Variants in UNC5C observed in about 807,000 individuals in gnomAD.
The protein encoded by UNC5C is netrin receptor UNC5C.
In UNC5C, 47 loss-of-function variants were observed where a neutral mutation model predicts 99.8. That is an observed-to-expected ratio of 0.47 (90% CI 0.37 to 0.60). The LOEUF is 0.60. Ranked by LOEUF, UNC5C falls within the 20% of genes least tolerant of loss-of-function variation. The pLI, the probability that UNC5C is intolerant of heterozygous loss-of-function variation, is 0.00. For synonymous variants in UNC5C, 487 were observed against 452.2 expected (o/e 1.08, Z -0.98); for missense variants, 1,062 against 1,165.9 (o/e 0.91, Z 1.30).
At chr4:95,417,189 T>C (rs1192976821) in intron 1 of UNC5C, among the ~76,000 whole-genome samples, 1 of 152,190 alleles carries the variant, frequency 6.6e-6, no homozygotes, top group Non-Finnish European at 1.5e-5. Context: ...TCGGGATCTC[T>C]GCAGTATGAA....
chr4:95,364,481 C>T (rs1744492698), intron 1 of UNC5C, among the ~76,000 whole-genome samples: 1 of 152,184 alleles, frequency 6.6e-6, no homozygotes, highest in South Asian at 2.1e-4. Flanking sequence ...CCTATTGACA[C>T]TATGATTGCT....
intron 2 of UNC5C, among the ~76,000 whole-genome samples, chr4:95,317,874 T>C (rs556434581): frequency 6.6e-6 from 1 of 152,304 alleles, no homozygotes; most frequent in South Asian, 2.1e-4. Context: ...ACTTCCCTCC[T>C]GCACTGTCAT....
At chr4:95,448,442 C>T (rs947644247) in intron 1 of UNC5C, among the ~76,000 whole-genome samples, 1 of 152,052 alleles carries the variant, frequency 6.6e-6, no homozygotes, top group Admixed American at 6.6e-5. Flanking sequence ...ACTCTGTCTA[C>T]CTCTTGGGAT....
intron 1 of UNC5C, among the ~76,000 whole-genome samples, chr4:95,465,305 C>G (rs749011844): frequency 2.3e-4 from 35 of 152,310 alleles, no homozygotes; most frequent in Non-Finnish European, 4.6e-4. Context: ...TCCCTCCCAT[C>G]TCTAAAGTAG....
In UNC5C at chr4:95,301,729, T is replaced by G; in HGVS notation, c.367A>C (p.Ser123Arg). Residue 123 changes from serine (S) to arginine (R), a missense_variant, in exon 3 of 16, where the codon AGC (serine) becomes CGC (arginine). Physicochemically the swap from Ser to Arg is moderately radical, Grantham distance 110 (BLOSUM62 -1). Coordinates refer to ENST00000453304, the MANE Select transcript of UNC5C (RefSeq NM_003728.4). The part of the protein sequence containing the change: ...ETSGLIVREV[S>R]IEISRQQVEE... The stretch of plus-strand genomic sequence containing the variant: ...ACTTGCTGGCGCGAAATCTCAATGC[T>G]CACTTCCCGGACAATGAGACCTGAC... 1.2e-6 allele frequency: 2 copies of G among 1,612,874 alleles called. No homozygotes were observed. The highest frequency in any genetic ancestry group is 1.1e-5 in the South Asian group (1 of 91,014).
chr4:95,456,123 C>T (rs1467876966), intron 1 of UNC5C, among the ~76,000 whole-genome samples: 13 of 151,948 alleles, frequency 8.6e-5, no homozygotes, highest in Non-Finnish European at 1.5e-4. Context: ...AAGGTACTCC[C>T]CTCAATTGTA....
intron 4 of UNC5C, among the ~76,000 whole-genome samples, chr4:95,267,603 A>G (rs1347304278): frequency 6.6e-6 from 1 of 152,184 alleles, no homozygotes; most frequent in Non-Finnish European, 1.5e-5. Context: ...CAAATGAAAC[A>G]AAAAGCTTTA....
intron 1 of UNC5C, among the ~76,000 whole-genome samples, chr4:95,511,006 T>C (rs1722056355): frequency 6.6e-6 from 1 of 152,136 alleles, no homozygotes; most frequent in Admixed American, 6.6e-5. Flanking sequence ...TAATTTCTGT[T>C]GAATATAAAA....
intron 1 of UNC5C, among the ~76,000 whole-genome samples, chr4:95,337,972 A>G (rs923380791): frequency 6.6e-6 from 1 of 152,050 alleles, no homozygotes; most frequent in East Asian, 1.9e-4. Context: ...CCCTGGATGA[A>G]TTCCTGTTAT....
intron 1 of UNC5C, among the ~76,000 whole-genome samples, chr4:95,443,706 G>A (rs1747015913): frequency 6.6e-6 from 1 of 151,942 alleles, no homozygotes. Flanking sequence ...TTCCTATACA[G>A]AATTCTATCA....
chr4:95,296,643 T>A (rs1483985326), intron 3 of UNC5C, among the ~76,000 whole-genome samples: 1 of 152,162 alleles, frequency 6.6e-6, no homozygotes, highest in East Asian at 1.9e-4. Flanking sequence ...CTTTAGCAAG[T>A]CAATGTAGTG....
chr4:95,484,514 T>C (rs927965437), intron 1 of UNC5C, among the ~76,000 whole-genome samples: 1 of 151,812 alleles, frequency 6.6e-6, no homozygotes, highest in Non-Finnish European at 1.5e-5. Flanking sequence ...TAGTGACATG[T>C]GTCTCTTCTA....
chr4:95,417,181 G>A (rs1036718162), intron 1 of UNC5C, among the ~76,000 whole-genome samples: 7 of 152,006 alleles, frequency 4.6e-5, no homozygotes, highest in Admixed American at 6.6e-5. Flanking sequence ...GAGTGCCGTC[G>A]GGATCTCTGC....
intron 1 of UNC5C, among the ~76,000 whole-genome samples, chr4:95,511,787 T>C (rs1722082453): frequency 6.6e-6 from 1 of 151,726 alleles, no homozygotes. Flanking sequence ...TTCAGACCAA[T>C]GCAATGGAAA....
intron 12 of UNC5C, among the ~76,000 whole-genome samples, chr4:95,186,670 C>T (rs1003558569): frequency 2.6e-5 from 4 of 152,140 alleles, no homozygotes; most frequent in Non-Finnish European, 1.5e-5. Context: ...GACAGGGCGT[C>T]CTCTAGTTAG....
chr4:95,347,451 ACT>A (rs1404251086), intron 1 of UNC5C, among the ~76,000 whole-genome samples: 4 of 151,902 alleles, frequency 2.6e-5, no homozygotes, highest in Admixed American at 2.6e-4. Context: ...AATAGCCAAA[ACT>A]CTCTTGAGCA....
rs371911161 is a variant in UNC5C at position 95,341,612 on chromosome 4, A to G, written c.125-5981T>C. On this transcript the variant is annotated intron_variant, in intron 1 of 15. Coordinates refer to ENST00000453304, the MANE Select transcript of UNC5C (RefSeq NM_003728.4). The stretch of plus-strand genomic sequence containing the variant: ...GGGAGGAAGCAGAGCAAGATAGCCA[A>G]ATGGAAGCCTTCACTGATTGTCCTC... Among the ~76,000 whole-genome samples, 11 of 152,188 alleles carry G rather than the reference A, an allele frequency of 7.2e-5. No homozygotes were observed. The East Asian group carries it at 1.7e-3, about 24-fold the overall frequency.
intron 1 of UNC5C, among the ~76,000 whole-genome samples, chr4:95,414,078 C>T (rs1746087876): frequency 6.6e-6 from 1 of 152,192 alleles, no homozygotes. Context: ...CCAAATATCA[C>T]ACCAGGTTAA....
At chr4:95,319,480 C>T (rs1282048997) in intron 2 of UNC5C, among the ~76,000 whole-genome samples, 1 of 152,316 alleles carries the variant, frequency 6.6e-6, no homozygotes, top group East Asian at 1.9e-4. Context: ...ACTGTATTTC[C>T]TACATGCTGT....
Sources: gnomAD v4.1 joint callset for allele counts (sites outside exome capture counted in the v4.1 genomes callset) on GRCh38, gnomAD v4.1.1 for gene constraint, MANE v1.5 for transcripts, NCBI Gene and HGNC (gene_info 2026-07-23, HGNC 2026-07-21) for gene names.